MAGI2: variants seen among roughly 807,000 people sequenced by gnomAD.
The protein encoded by MAGI2 is membrane associated guanylate kinase, WW and PDZ domain containing 2.
A neutral mutation model predicts 133.3 loss-of-function variants in MAGI2; 35 were observed. The ratio of observed to expected loss-of-function variants is 0.26; its 90% CI spans 0.20 to 0.35. The LOEUF is 0.35. Among genes scored for constraint, MAGI2 ranks in the 10% least tolerant of loss-of-function variants. The pLI, the probability that MAGI2 is intolerant of heterozygous loss-of-function variation, is 1.00. For synonymous variants in MAGI2, 729 were observed against 710.6 expected, an observed-to-expected ratio of 1.03 and a Z score of -0.41; for missense variants, 1,636 against 1,863.4, an observed-to-expected ratio of 0.88 and a Z score of 2.25.
At chr7:78,292,092 G>T (rs1183087204) in intron 9 of MAGI2, among the ~76,000 whole-genome samples, 2 of 152,126 alleles carry the variant, frequency 1.3e-5, no homozygotes, top group African/African-American at 4.8e-5. Flanking sequence ...GGGCAATCAG[G>T]CAGGAGAAAG....
chr7:79,093,968 G>A (rs1238439814), intron 1 of MAGI2, among the ~76,000 whole-genome samples: 1 of 152,030 alleles, frequency 6.6e-6, no homozygotes, highest in Non-Finnish European at 1.5e-5. Flanking sequence ...GCCTGCCTCA[G>A]CCTCCCAAAG....
chr7:78,410,516 C>T (rs1797775278), intron 6 of MAGI2, among the ~76,000 whole-genome samples: 1 of 151,946 alleles, frequency 6.6e-6, no homozygotes, highest in South Asian at 2.1e-4. Flanking sequence ...ATTCTAAATA[C>T]TTTGGCTTTA....
chr7:78,170,740 C>T (rs944798378), intron 14 of MAGI2: 1 of 151,856 alleles, frequency 6.6e-6, no homozygotes, highest in African/African-American at 2.4e-5. Context: ...TATTCAATTA[C>T]CCCTTCAATT....
chr7:79,206,424 G>A (rs1377871087), intron 1 of MAGI2, among the ~76,000 whole-genome samples: 1 of 151,264 alleles, frequency 6.6e-6, no homozygotes. Context: ...AAAGGCTTAT[G>A]AGATACTATT....
intron 2 of MAGI2, among the ~76,000 whole-genome samples, chr7:78,828,560 A>G (rs1430566032): frequency 7.9e-5 from 12 of 152,188 alleles, no homozygotes; most frequent in Admixed American, 7.9e-4. Flanking sequence ...TAAATGTAAT[A>G]TGGTATCTTG....
At chr7:78,710,713 A>T (rs1273039528) in intron 2 of MAGI2, among the ~76,000 whole-genome samples, 1 of 152,162 alleles carries the variant, frequency 6.6e-6, no homozygotes. Context: ...CGCTTGACAC[A>T]AAAACATATG....
intron 2 of MAGI2, among the ~76,000 whole-genome samples, chr7:78,944,738 T>TTTATTTACTTAC (rs1291722582): frequency 9.5e-6 from 1 of 105,758 alleles, no homozygotes; most frequent in African/African-American, 2.9e-5. Context: ...TATTTATTTA[T>TTTATTTACTTAC]TTACTTATTT....
chr7:78,261,571 A>C (rs1793522421), intron 9 of MAGI2, among the ~76,000 whole-genome samples: 1 of 152,152 alleles, frequency 6.6e-6, no homozygotes. Flanking sequence ...AAAGGATGGA[A>C]AGATTTAGTC....
chr7:78,172,892 C>G (rs910403608), intron 14 of MAGI2, among the ~76,000 whole-genome samples: 9 of 152,108 alleles, frequency 5.9e-5, no homozygotes, highest in Non-Finnish European at 1.0e-4. Context: ...CTCTCCCAGA[C>G]GGGGTCATTC....
At chr7:78,735,521 G>A (rs530380999) in intron 2 of MAGI2, among the ~76,000 whole-genome samples, 1 of 152,130 alleles carries the variant, frequency 6.6e-6, no homozygotes, top group African/African-American at 2.4e-5. Context: ...CATTGGCATT[G>A]GTTTTCCTTG....
At chr7:78,263,590 T>C (rs900550176) in intron 9 of MAGI2, among the ~76,000 whole-genome samples, 1 of 152,066 alleles carries the variant, frequency 6.6e-6, no homozygotes, top group Non-Finnish European at 1.5e-5. Context: ...ACATAAGACA[T>C]TGCTAAATCT....
At chr7:78,305,633 T>A (rs2151083593) in intron 9 of MAGI2, among the ~76,000 whole-genome samples, 1 of 152,272 alleles carries the variant, frequency 6.6e-6, no homozygotes, top group South Asian at 2.1e-4. Context: ...AGTGTAACCA[T>A]GAGCTCCAAC....
chr7:78,762,084 T>C (rs1824567337), intron 2 of MAGI2, among the ~76,000 whole-genome samples: 1 of 152,172 alleles, frequency 6.6e-6, no homozygotes, highest in Non-Finnish European at 1.5e-5. Context: ...GAGAAAAATA[T>C]TTCTGATTTC....
chr7:78,896,972 C>A (rs1299683203), intron 2 of MAGI2, among the ~76,000 whole-genome samples: 1 of 152,068 alleles, frequency 6.6e-6, no homozygotes, highest in Admixed American at 6.6e-5. Context: ...GTTTAAAATG[C>A]TCATTTCTAA....
At chr7:78,034,472 A>T (rs1357284516) in intron 21 of MAGI2, among the ~76,000 whole-genome samples, 1 of 152,152 alleles carries the variant, frequency 6.6e-6, no homozygotes. Flanking sequence ...ACTTTGAAGC[A>T]CTTCCAGCTC....
chr7:78,309,443 A>T (rs967111639), intron 9 of MAGI2, among the ~76,000 whole-genome samples: 1 of 152,206 alleles, frequency 6.6e-6, no homozygotes, highest in African/African-American at 2.4e-5. Flanking sequence ...AGGAATAGAA[A>T]ATCAAATACC....
intron 9 of MAGI2, among the ~76,000 whole-genome samples, chr7:78,298,003 C>T (rs1361823615): frequency 7.0e-6 from 1 of 142,320 alleles, no homozygotes; most frequent in Non-Finnish European, 1.5e-5. Flanking sequence ...AAAGAATTGT[C>T]TGGGAAAAAA....
intron 1 of MAGI2, among the ~76,000 whole-genome samples, chr7:79,307,235 A>G (rs987634673): frequency 3.9e-5 from 6 of 152,188 alleles, no homozygotes; most frequent in Admixed American, 2.6e-4. Flanking sequence ...TTTATTAGCC[A>G]TTGTTCTCAA....
At chr7:78,801,179 T>G (rs1338840134) in intron 2 of MAGI2, among the ~76,000 whole-genome samples, 1 of 152,178 alleles carries the variant, frequency 6.6e-6, no homozygotes, top group Non-Finnish European at 1.5e-5. Flanking sequence ...ACAGGATAAT[T>G]CAAAAGAAAT....
Sources: allele counts gnomAD v4.1 joint callset (sites outside exome capture counted in the v4.1 genomes callset), GRCh38; gene constraint gnomAD v4.1.1; transcripts MANE v1.5; gene names NCBI Gene and HGNC (gene_info 2026-07-23, HGNC 2026-07-21).